ATP2C2: variants seen among roughly 807,000 people sequenced by gnomAD.
ATP2C2 encodes ATPase secretory pathway Ca2+ transporting 2, also known as calcium-transporting ATPase type 2C member 2.
Under a neutral mutation model 110.8 loss-of-function variants are expected in ATP2C2, and 171 were observed. The ratio of observed to expected loss-of-function variants is 1.54; its 90% confidence interval spans 1.36 to 1.75. The LOEUF is 1.75. Among genes scored for constraint, ATP2C2 ranks in the 40% most tolerant of loss-of-function variants. The pLI is 0.00. For synonymous variants in ATP2C2, 804 were observed against 508.4 expected (o/e 1.58, Z -7.82); for missense variants, 1,963 against 1,235.0 (o/e 1.59, Z -8.84).
rs1909933773 is a variant in ATP2C2 at position 84,371,193 on chromosome 16, A to G, written c.99+2479A>G. Among the ~76,000 whole-genome samples, 3 of 152,098 alleles carry G rather than the reference A, an allele frequency of 2.0e-5. No homozygotes were observed. The South Asian group carries it at 6.2e-4, about 32-fold the overall frequency. On this transcript the variant is annotated intron_variant, in intron 1 of 26. Coordinates refer to ENST00000262429, the MANE Select transcript of ATP2C2 (RefSeq NM_014861.4). Reference sequence around the variant, plus strand: ...CGACCCCATGTTAGAAGCACTGGAGACTGGATTTCAGCATTTCCAGGAATG... The same window carrying G: ...CGACCCCATGTTAGAAGCACTGGAGGCTGGATTTCAGCATTTCCAGGAATG...
At chr16:84,429,761 G>A (rs1908103106) in intron 11 of ATP2C2, among the ~76,000 whole-genome samples, 1 of 152,110 alleles carries the variant, frequency 6.6e-6, no homozygotes, top group South Asian at 2.1e-4. Flanking sequence ...CCTTGGAGGA[G>A]ACTGGGTGTG....
rs569774890 is a variant in ATP2C2 at position 84,413,578 on chromosome 16, C to G, written c.516-1905C>G. On this transcript the variant is annotated intron_variant, in intron 6 of 26. Transcript: ENST00000262429. The stretch of plus-strand genomic sequence containing the variant: ...TAAATGATTTATGTGATTTGATGAT[C>G]CGATCTTAAGCTTAAATATCGAGTC... 3.3e-5 allele frequency among the ~76,000 whole-genome samples: 5 copies of G among 152,298 alleles called. 1 individual carries two copies. The South Asian group carries it at 6.2e-4, about 19-fold the overall frequency.
chr16:84,424,259 A>G (rs1463519264), intron 10 of ATP2C2, among the ~76,000 whole-genome samples: 1 of 152,016 alleles, frequency 6.6e-6, no homozygotes, highest in Non-Finnish European at 1.5e-5. Flanking sequence ...CCACAGCAAG[A>G]CCCATGATAT....
chr16:84,461,567 C>G (rs146632146), intron 24 of ATP2C2, 147 bp from the exon 25 acceptor site: 8 of 750,794 alleles, frequency 1.1e-5, no homozygotes, highest in Admixed American at 5.6e-5. Context: ...TGACCTCACA[C>G]CTGGAGGAAG....
intron 11 of ATP2C2, chr16:84,426,141 T>C (rs1225672576): frequency 4.2e-6 from 1 of 236,270 alleles, no homozygotes; most frequent in Non-Finnish European, 8.5e-6. Flanking sequence ...GGAAGCATGG[T>C]GTCTGCTCAG....
At chr16:84,399,564 T>C (rs1362408333) in intron 2 of ATP2C2, among the ~76,000 whole-genome samples, 3 of 152,230 alleles carry the variant, frequency 2.0e-5, no homozygotes, top group Non-Finnish European at 2.9e-5. Flanking sequence ...CGAATTTGTT[T>C]ACAGAAAGAG....
chr16:84,391,992 A>G (rs190033259), intron 1 of ATP2C2, among the ~76,000 whole-genome samples: 1 of 151,184 alleles, frequency 6.6e-6, no homozygotes, highest in African/African-American at 2.4e-5. Flanking sequence ...ATTTGATGAC[A>G]TATCAGTGAC....
Position 84,456,244 on chromosome 16 carries a change from A to C in ATP2C2, c.2147+1260A>C, listed in dbSNP as rs1365094944. Among the ~76,000 whole-genome samples, 99 of 134,776 alleles carry C rather than the reference A, an allele frequency of 7.3e-4. 1 individual carries two copies. The highest frequency in any genetic ancestry group is 2.4e-3 in the African/African-American group (87 of 36,302). 88.4% of individuals were successfully genotyped at this position (134,776 alleles called of 152,430 possible). A position where few individuals can be genotyped will look rare whatever the true frequency, so the allele number is the denominator to read the frequency against. On this transcript the variant is annotated intron_variant, in intron 21 of 26. Transcript: ENST00000262429. ...GTACCTCTGGTAGAATTCGGCTGTG[A>C]ATCCATCTGGTCCTGGACTCTTTTT...
intron 1 of ATP2C2, among the ~76,000 whole-genome samples, chr16:84,386,283 C>G (rs1259678901): frequency 2.0e-5 from 3 of 152,192 alleles, no homozygotes; most frequent in Non-Finnish European, 2.9e-5. Flanking sequence ...GCTGCGAGAT[C>G]TATATTTAGT....
intron 15 of ATP2C2, among the ~76,000 whole-genome samples, chr16:84,445,191 C>T (rs890287296): frequency 2.6e-5 from 4 of 151,806 alleles, no homozygotes; most frequent in African/African-American, 4.8e-5. Flanking sequence ...CCCGCCACGC[C>T]TCTGCGCAGC....
At chr16:84,403,600 G>C (rs1391429292) in intron 2 of ATP2C2, among the ~76,000 whole-genome samples, 2 of 152,124 alleles carry the variant, frequency 1.3e-5, no homozygotes, top group Non-Finnish European at 1.5e-5. Flanking sequence ...GAGTCACTGT[G>C]CCTGGCCTTA....
intron 1 of ATP2C2, among the ~76,000 whole-genome samples, chr16:84,377,367 T>A (rs1910309743): frequency 6.6e-6 from 1 of 152,114 alleles, no homozygotes; most frequent in African/African-American, 2.4e-5. Flanking sequence ...TTGTTGTCAA[T>A]GAATATGAAT....
chr16:84,435,838 T>A (rs145286641), intron 11 of ATP2C2, among the ~76,000 whole-genome samples: 1 of 117,470 alleles, frequency 8.5e-6, no homozygotes, highest in African/African-American at 3.1e-5. Context: ...AAAAAAAAAA[T>A]AAAAAACAGG....
At chr16:84,455,763 A>C (rs1910738570) in intron 21 of ATP2C2, among the ~76,000 whole-genome samples, 1 of 151,672 alleles carries the variant, frequency 6.6e-6, no homozygotes, top group South Asian at 2.1e-4. Context: ...AAAAAAAAAA[A>C]AAGTCATAGA....
intron 14 of ATP2C2, 38 bp from the exon 15 acceptor site, chr16:84,442,472 C>T: frequency 6.2e-7 from 1 of 1,601,022 alleles, no homozygotes; most frequent in African/African-American, 1.3e-5. Flanking sequence ...TTCATGAGCC[C>T]AGTACTAACT....
At chr16:84,430,040 G>T (rs1908129009) in intron 11 of ATP2C2, among the ~76,000 whole-genome samples, 1 of 152,124 alleles carries the variant, frequency 6.6e-6, no homozygotes, top group South Asian at 2.1e-4. Context: ...TTTTTATAAG[G>T]ACGCCAGTTG....
chr16:84,380,202 C>G (rs1429381950), intron 1 of ATP2C2, among the ~76,000 whole-genome samples: 1 of 152,188 alleles, frequency 6.6e-6, no homozygotes, highest in Non-Finnish European at 1.5e-5. Flanking sequence ...CAACACCTAT[C>G]TCACCAGGCC....
chr16:84,412,109 G>A (rs1467185075), intron 6 of ATP2C2, among the ~76,000 whole-genome samples: 1 of 152,026 alleles, frequency 6.6e-6, no homozygotes, highest in South Asian at 2.1e-4. Context: ...TGCCTCCAGG[G>A]CTCAAGTGAT....
intron 15 of ATP2C2, among the ~76,000 whole-genome samples, chr16:84,445,145 T>G (rs1909628898): frequency 6.6e-6 from 1 of 151,900 alleles, no homozygotes; most frequent in Non-Finnish European, 1.5e-5. Context: ...TGCCTTGGTC[T>G]CTCACACCAA....
Sources: gnomAD v4.1 joint callset for allele counts (sites outside exome capture counted in the v4.1 genomes callset) on GRCh38, gnomAD v4.1.1 for gene constraint, MANE v1.5 for transcripts, NCBI Gene and HGNC (gene_info 2026-07-23, HGNC 2026-07-21) for gene names.